Variants in SELENOI observed in about 807,000 individuals in gnomAD.
SELENOI encodes the protein ethanolaminephosphotransferase 1.
In SELENOI, 24 loss-of-function variants were observed where a neutral mutation model predicts 50.7. That is an observed-to-expected ratio of 0.47 (90% confidence interval 0.34 to 0.67). SELENOI has a LOEUF of 0.67. Ranked by LOEUF, SELENOI falls within the 30% of genes least tolerant of loss-of-function variation. The probability of loss-of-function intolerance (pLI) is 0.01; values close to 1 mark genes in which losing one functional copy is unlikely to be tolerated. For synonymous variants in SELENOI, 155 were observed against 170.2 expected (o/e 0.91, Z 0.70); for missense variants, 352 against 461.4 (o/e 0.76, Z 2.17).
chr2:26,362,318 C>T (rs578098608), intron 1 of SELENOI, among the ~76,000 whole-genome samples: 7 of 152,214 alleles, frequency 4.6e-5, no homozygotes, highest in African/African-American at 1.4e-4. Flanking sequence ...ATCCATCACA[C>T]TTTTAAGTCT....
intron 6 of SELENOI, among the ~76,000 whole-genome samples, chr2:26,376,260 G>A (rs937753694): frequency 2.6e-4 from 40 of 152,196 alleles, no homozygotes; most frequent in Admixed American, 4.6e-4. Flanking sequence ...GCTCTAGACT[G>A]TGCATATTTT....
At chr2:26,388,248 A>G (rs780243138) in intron 9 of SELENOI, among the ~76,000 whole-genome samples, 9 of 152,202 alleles carry the variant, frequency 5.9e-5, no homozygotes, top group Admixed American at 2.0e-4. Flanking sequence ...GTTTTCATTT[A>G]CTATAGCCTT....
At chr2:26,380,362 C>T (rs1237986970) in intron 6 of SELENOI, among the ~76,000 whole-genome samples, 1 of 152,090 alleles carries the variant, frequency 6.6e-6, no homozygotes, top group Non-Finnish European at 1.5e-5. Context: ...TGGTAGCATT[C>T]CATTCTATAT....
Position 26,355,771 on chromosome 2 carries a change from C to T in SELENOI, c.58-8531C>T, listed in dbSNP as rs116549915. ...TTTTTTTTTTTTTGAGAGAGTGTCT[C>T]GCTCTGTTGCTTAGGCTGGAGTGCA... is the stretch of plus-strand genomic sequence containing the variant. On this transcript the variant is annotated intron_variant, in intron 1 of 9. Transcript: ENST00000260585. Among the ~76,000 whole-genome samples the T allele has an allele frequency of 2.6e-3, 395 of 150,622 alleles. 2 individuals are homozygous for T. Among genetic ancestry groups the T allele is most frequent in the African/African-American group, 9.3e-3 (380 of 41,010 alleles).
intron 1 of SELENOI, among the ~76,000 whole-genome samples, chr2:26,353,433 T>G (rs952532595): frequency 6.6e-6 from 1 of 152,172 alleles, no homozygotes; most frequent in African/African-American, 2.4e-5. Context: ...AAATTCTTGA[T>G]ATTTTGATTT....
Position 26,364,356 on chromosome 2 carries a change from A to G in SELENOI, c.112A>G (p.Asn38Asp). The G allele has an allele frequency of 6.4e-7, 1 of 1,554,530 alleles. No individual in the cohort carries two copies. Among genetic ancestry groups the G allele is most frequent in the Non-Finnish European group, 8.7e-7 (1 of 1,144,680 alleles). Residue 38 changes from asparagine to aspartate, a missense_variant, in exon 2 of 10, where the codon AAC (asparagine) becomes GAC (aspartate). By Grantham distance (23) the Asn-to-Asp change is conservative. Coordinates refer to ENST00000260585, the MANE Select transcript of SELENOI (RefSeq NM_033505.4). Reference protein sequence around the residue: ...LSLYVMHPFWNTIVKVFPTWL... With the variant: ...LSLYVMHPFWDTIVKVFPTWL... ...TCTGTATGTCATGCATCCATTCTGG[A>G]ACACTATAGTAAAGGTAAGATAATT... is the stretch of plus-strand genomic sequence containing the variant.
rs1269701358 is a variant in SELENOI at position 26,346,159 on chromosome 2, C to A, written c.-74C>A. The A allele has an allele frequency of 1.2e-5, 19 of 1,609,768 alleles. No individual in the cohort carries two copies. In the East Asian group the frequency reaches 1.6e-4, roughly 13 times the overall value. ...CCAGTCTTTGCCATCCTTGCCCAGC[C>A]GGTGTGGTGCTTGTGTGTCACAGCC... On this transcript the variant is annotated 5_prime_UTR_variant, in exon 1 of 10. Coordinates refer to ENST00000260585, the MANE Select transcript of SELENOI (RefSeq NM_033505.4).
At chr2:26,363,872 C>T (rs1677231871) in intron 1 of SELENOI, among the ~76,000 whole-genome samples, 1 of 152,060 alleles carries the variant, frequency 6.6e-6, no homozygotes, top group African/African-American at 2.4e-5. Flanking sequence ...TCCCAAGTAG[C>T]TGGGATTACA....
intron 1 of SELENOI, among the ~76,000 whole-genome samples, chr2:26,356,367 T>C (rs1052710752): frequency 7.9e-5 from 12 of 152,172 alleles, no homozygotes; most frequent in African/African-American, 2.2e-4. Flanking sequence ...TCAGTGTGAT[T>C]ACTAAGTTGT....
intron 1 of SELENOI, among the ~76,000 whole-genome samples, chr2:26,352,738 C>T (rs774826324): frequency 9.9e-5 from 15 of 151,476 alleles, no homozygotes; most frequent in Non-Finnish European, 2.1e-4. Context: ...GAGCCAAGAT[C>T]GTGCCACTGC....
chr2:26,367,769 G>A (rs1044496623), intron 4 of SELENOI, among the ~76,000 whole-genome samples: 2 of 152,098 alleles, frequency 1.3e-5, no homozygotes, highest in African/African-American at 4.8e-5. Flanking sequence ...TACAGGGAGC[G>A]GTCAGGGAGT....
rs568147039 is a variant in SELENOI, at chr2:26,386,344, T to G, written c.913-10T>G. On this transcript the variant is annotated splice_polypyrimidine_tract_variant and intron_variant, in intron 8 of 9. Coordinates refer to ENST00000260585, the MANE Select transcript of SELENOI (RefSeq NM_033505.4). ...TTTTTTCTCTCTTATTTTTTTAAAT[T>G]GACGTCCAGTGTCAGCTGATTGTTT... is the stretch of plus-strand genomic sequence containing the variant. 1.1e-4 allele frequency: 170 copies of G among 1,590,308 alleles called. No homozygotes were observed. Among genetic ancestry groups the G allele is most frequent in the Middle Eastern group, 3.5e-4 (2 of 5,780 alleles).
Position 26,383,660 on chromosome 2 carries a change from C to T in SELENOI, c.731+313C>T, listed in dbSNP as rs571966545. The stretch of plus-strand genomic sequence containing the variant: ...TTGGGAGGCCGAGGTGGGCGGATCA[C>T]GAGGTCAGGTTCGAGACCAGCCTGA... On this transcript the variant is annotated intron_variant, in intron 7 of 9. Transcript: ENST00000260585. Among the ~76,000 whole-genome samples, 105 of 152,152 alleles carry T rather than the reference C, an allele frequency of 6.9e-4. 1 individual carries two copies. Among genetic ancestry groups the T allele is most frequent in the African/African-American group, 2.4e-3 (98 of 41,498 alleles).
chr2:26,348,600 G>A (rs913635348), intron 1 of SELENOI, among the ~76,000 whole-genome samples: 5 of 152,152 alleles, frequency 3.3e-5, no homozygotes, highest in African/African-American at 4.8e-5. Context: ...GTTACTTAAC[G>A]CAATTGTATT....
chr2:26,367,210 C>G lies in SELENOI; in HGVS notation c.300C>G (p.Ala100=), dbSNP rs1178265715. ...WIVVGILNFV[A]YTLDGVDGKQ... is the part of the protein sequence containing the mutation. ...TAGTGGGCATCCTCAACTTCGTAGC[C>G]TACACTCTAGGTAAGGAATTGGTAA... The change falls in exon 4 of 10, where the codon GCC becomes GCG. Residue 100 remains alanine, a synonymous_variant. Transcript: ENST00000260585. The G allele has an allele frequency of 1.1e-5, 17 of 1,608,936 alleles. No individual in the cohort carries two copies. Among genetic ancestry groups the G allele is most frequent in the Non-Finnish European group, 1.4e-5 (17 of 1,177,588 alleles).
At chr2:26,354,642 T>G (rs974913459) in intron 1 of SELENOI, among the ~76,000 whole-genome samples, 2 of 152,120 alleles carry the variant, frequency 1.3e-5, no homozygotes, top group East Asian at 3.9e-4. Flanking sequence ...TCGCCCGCCT[T>G]GGCCTTCCAA....
intron 4 of SELENOI, among the ~76,000 whole-genome samples, chr2:26,372,745 C>G (rs1677484123): frequency 6.6e-6 from 1 of 152,112 alleles, no homozygotes; most frequent in Non-Finnish European, 1.5e-5. Flanking sequence ...CCCAATTGTT[C>G]CATAGATTTG....
Position 26,346,200 on chromosome 2 carries a change from G to A in SELENOI, c.-33G>A, listed in dbSNP as rs745428068. ...TGTCACAGCCTTGTAGCCGGGAGTC[G>A]CTGCCGAGTGGGCGCTCAGTTTTCG... On this transcript the variant is annotated 5_prime_UTR_variant, in exon 1 of 10. Coordinates refer to ENST00000260585, the MANE Select transcript of SELENOI (RefSeq NM_033505.4). The A allele has an allele frequency of 6.2e-7, 1 of 1,613,402 alleles. No individual in the cohort carries two copies. The highest frequency in any genetic ancestry group is 2.2e-5 in the East Asian group (1 of 44,858).
chr2:26,372,039 A>G lies in SELENOI; in HGVS notation c.311-1328A>G, dbSNP rs185990544. On this transcript the variant is annotated intron_variant, in intron 4 of 9. Transcript: ENST00000260585. ...GCCATTCTAGATTATCTTAGCCTAAAGAGAACCTTTCCCTTATCTGTACTC... is the reference window on the plus strand; with the variant it reads ...GCCATTCTAGATTATCTTAGCCTAAGGAGAACCTTTCCCTTATCTGTACTC... Among the ~76,000 whole-genome samples, 270 of 152,272 alleles carry G rather than the reference A, an allele frequency of 1.8e-3. 1 individual carries two copies. The highest frequency in any genetic ancestry group is 0.014 in the Middle Eastern group (4 of 294).
Sources: gnomAD v4.1 joint callset for allele counts (sites outside exome capture counted in the v4.1 genomes callset) on GRCh38, gnomAD v4.1.1 for gene constraint, MANE v1.5 for transcripts, NCBI Gene and HGNC (gene_info 2026-07-23, HGNC 2026-07-21) for gene names.